The following HYCC1 variants were observed in gnomAD, a reference collection of about 807,000 sequenced individuals.
The protein encoded by HYCC1 is hyccin.
At chr7:22,998,946 A>G in the HYCC1 span, among the ~76,000 whole-genome samples, 6 of 152,286 alleles carry the variant, frequency 3.9e-5, no homozygotes, top group East Asian at 1.2e-3. Context: ...GTCTTTGCCT[A>G]TGCTTCTCTT....
At chr7:22,988,799 A>G in the HYCC1 span, among the ~76,000 whole-genome samples, 1 of 152,158 alleles carries the variant, frequency 6.6e-6, no homozygotes, top group Non-Finnish European at 1.5e-5. Context: ...TATTTCTTCA[A>G]TCAACTTATT....
chr7:22,950,894 AAAAAAAC>A, the HYCC1 span, among the ~76,000 whole-genome samples: 1 of 151,932 alleles, frequency 6.6e-6, no homozygotes, highest in Admixed American at 6.6e-5. Context: ...ACACCTTAAA[AAAAAAAC>A]AAAAAACAAG....
At chr7:22,924,890 T>G in the HYCC1 span, among the ~76,000 whole-genome samples, 1 of 152,204 alleles carries the variant, frequency 6.6e-6, no homozygotes, top group Non-Finnish European at 1.5e-5. Flanking sequence ...CCTCCTCAAG[T>G]AGGTCCCTGA....
the HYCC1 span, among the ~76,000 whole-genome samples, chr7:22,900,451 T>C: frequency 4.0e-3 from 612 of 152,336 alleles, 6 homozygotes; most frequent in African/African-American, 0.014. Context: ...CCATGGACAA[T>C]GGTTGGTCTA....
chr7:22,909,722 A>G, the HYCC1 span, among the ~76,000 whole-genome samples: 5 of 152,086 alleles, frequency 3.3e-5, no homozygotes, highest in African/African-American at 1.2e-4. Flanking sequence ...CCTCTGCCTG[A>G]TACTTCTTTC....
the HYCC1 span, among the ~76,000 whole-genome samples, chr7:22,931,945 G>A: frequency 6.6e-6 from 1 of 152,322 alleles, no homozygotes; most frequent in African/African-American, 2.4e-5. Flanking sequence ...TGCAAGAGGT[G>A]TGAGATAAAT....
the HYCC1 span, among the ~76,000 whole-genome samples, chr7:22,923,483 C>A: frequency 1.3e-5 from 2 of 151,904 alleles, no homozygotes; most frequent in African/African-American, 4.8e-5. Context: ...ACCTAATCTT[C>A]CATATTAAGT....
chr7:22,941,768 T>C, the HYCC1 span: 2 of 152,180 alleles, frequency 1.3e-5, no homozygotes, highest in African/African-American at 4.8e-5. Flanking sequence ...TAAATCTGAA[T>C]AACTCAAAGT....
the HYCC1 span, chr7:22,941,748 A>C: frequency 6.6e-6 from 1 of 152,204 alleles, no homozygotes; most frequent in African/African-American, 2.4e-5. Context: ...GAATTTAACA[A>C]TATTAAACAT....
At chr7:22,980,507 C>CA in the HYCC1 span, among the ~76,000 whole-genome samples, 4 of 151,906 alleles carry the variant, frequency 2.6e-5, no homozygotes, top group African/African-American at 4.8e-5. Context: ...AAGTCTGTAT[C>CA]CTAAGAGAGA....
the HYCC1 span, among the ~76,000 whole-genome samples, chr7:22,967,088 C>A: frequency 6.6e-6 from 1 of 152,106 alleles, no homozygotes; most frequent in African/African-American, 2.4e-5. Context: ...TCAGTTAATT[C>A]ATTTATTCAT....
the HYCC1 span, among the ~76,000 whole-genome samples, chr7:22,895,951 C>T: frequency 6.6e-6 from 1 of 152,152 alleles, no homozygotes; most frequent in Non-Finnish European, 1.5e-5. Context: ...GAAAAAGATT[C>T]CAAGTTCTTC....
At chr7:22,986,804 T>C in the HYCC1 span, among the ~76,000 whole-genome samples, 116 of 152,234 alleles carry the variant, frequency 7.6e-4, no homozygotes, top group Non-Finnish European at 1.2e-3. Flanking sequence ...GCTGAGAAAG[T>C]GCCACTGCAC....
the HYCC1 span, chr7:22,976,615 A>G: frequency 1.1e-6 from 1 of 880,018 alleles, no homozygotes; most frequent in East Asian, 2.5e-5. Flanking sequence ...CTCATTAAAC[A>G]TTATTTATAA....
the HYCC1 span, chr7:22,960,332 G>C: frequency 5.0e-6 from 8 of 1,613,116 alleles, no homozygotes; most frequent in East Asian, 1.8e-4. Flanking sequence ...AAGTTGGTGT[G>C]ATTTCAACTT....
At chr7:23,000,451 T>C in the HYCC1 span, among the ~76,000 whole-genome samples, 6 of 152,244 alleles carry the variant, frequency 3.9e-5, no homozygotes, top group East Asian at 9.6e-4. Context: ...CATATGTATA[T>C]ATACACATAT....
the HYCC1 span, among the ~76,000 whole-genome samples, chr7:22,929,897 G>A: frequency 6.6e-6 from 1 of 152,162 alleles, no homozygotes; most frequent in Admixed American, 6.5e-5. Flanking sequence ...GCACACGTAT[G>A]TTTATAGCGG....
chr7:22,987,081 T>A, the HYCC1 span, among the ~76,000 whole-genome samples: 2 of 152,072 alleles, frequency 1.3e-5, no homozygotes, highest in Non-Finnish European at 2.9e-5. Flanking sequence ...TCAGAAAATT[T>A]AAAAAAATCA....
At chr7:23,006,802 C>A in the HYCC1 span, among the ~76,000 whole-genome samples, 10 of 152,076 alleles carry the variant, frequency 6.6e-5, no homozygotes, top group Non-Finnish European at 1.3e-4. Context: ...TTCAAGAAAA[C>A]GCACACCAAA....
Sources: allele counts gnomAD v4.1 joint callset (sites outside exome capture counted in the v4.1 genomes callset), GRCh38; gene constraint gnomAD v4.1.1; transcripts MANE v1.5; gene names NCBI Gene and HGNC (gene_info 2026-07-23, HGNC 2026-07-21).